Variants in RBFOX2 observed in about 807,000 individuals in gnomAD.
RBFOX2 encodes the protein RNA binding fox-1 homolog 2.
In RBFOX2, 10 loss-of-function variants were observed where a neutral mutation model predicts 49.1. That is an observed-to-expected ratio of 0.20 (90% CI 0.13 to 0.35). The LOEUF (loss-of-function observed/expected upper bound fraction) is 0.35. RBFOX2 is among the 10% of genes least tolerant of loss of function. The pLI is 1.00. For synonymous variants in RBFOX2, 183 were observed against 187.4 expected (o/e 0.98, Z 0.19); for missense variants, 323 against 486.9 (o/e 0.66, Z 3.17).
intron 1 of RBFOX2, chr22:35,997,987 G>C (rs1452613832): frequency 1.3e-5 from 2 of 152,124 alleles, no homozygotes; most frequent in Non-Finnish European, 2.9e-5. Context: ...GGGTGACAGA[G>C]TGCGACCCTG....
intron 1 of RBFOX2, among the ~76,000 whole-genome samples, chr22:35,820,911 T>A (rs1015459397): frequency 6.6e-6 from 1 of 152,054 alleles, no homozygotes; most frequent in African/African-American, 2.4e-5. Flanking sequence ...CTACATACAA[T>A]AGCCACAGCG....
At chr22:35,965,570 T>C (rs545671367), upstream of RBFOX2, among the ~76,000 whole-genome samples, 9 of 152,310 alleles carry the variant, frequency 5.9e-5, no homozygotes, top group African/African-American at 1.9e-4. Context: ...TGCTGCCTTA[T>C]TAGGTAGAAT....
At chr22:35,928,293 C>A (rs1427840660) in intron 1 of RBFOX2, among the ~76,000 whole-genome samples, 2 of 152,006 alleles carry the variant, frequency 1.3e-5, no homozygotes, top group East Asian at 3.9e-4. Context: ...AGAGAAATTG[C>A]CACAAAACAG....
chr22:36,018,677 G>C (rs941228391), intron 1 of RBFOX2, among the ~76,000 whole-genome samples: 1 of 152,156 alleles, frequency 6.6e-6, no homozygotes, highest in African/African-American at 2.4e-5. Flanking sequence ...GCAGTGGCTC[G>C]ATCTCTCCTC....
At chr22:35,811,178 C>A (rs1194533525) in intron 1 of RBFOX2, among the ~76,000 whole-genome samples, 1 of 152,000 alleles carries the variant, frequency 6.6e-6, no homozygotes, top group Non-Finnish European at 1.5e-5. Context: ...GGGGGGCTGC[C>A]ACAGTCTAGA....
intron 2 of RBFOX2, among the ~76,000 whole-genome samples, chr22:35,784,812 C>T (rs1451130315): frequency 1.3e-5 from 2 of 152,028 alleles, no homozygotes; most frequent in Non-Finnish European, 2.9e-5. Flanking sequence ...TGAGAGGGCC[C>T]GGGGGCCGCG....
chr22:35,888,254 A>AT (rs889019415), intron 1 of RBFOX2, among the ~76,000 whole-genome samples: 12 of 152,076 alleles, frequency 7.9e-5, no homozygotes, highest in East Asian at 1.9e-4. Flanking sequence ...TTTACTCCCC[A>AT]TTTTTTTGAG....
intron 1 of RBFOX2, among the ~76,000 whole-genome samples, chr22:35,908,016 A>T (rs1419383786): frequency 6.6e-6 from 1 of 152,166 alleles, no homozygotes. Context: ...TTGATGACCA[A>T]AACAGAGACT....
rs556669182 is a variant in RBFOX2, at chr22:35,994,345, G to A, written c.186+33895C>T. The A allele has an allele frequency of 5.9e-5, 9 of 151,770 alleles. No homozygotes were observed. The South Asian group carries it at 8.3e-4, about 14-fold the overall frequency. 9.4% of individuals were successfully genotyped at this position (151,770 alleles called of 1,614,324 possible). ...TTGTACTAATTCTTCTAAATCTAGT[G>A]TATAGTATTTTACATTGAGTGCATC... On this transcript the variant is annotated intron_variant, in intron 1 of 13. Coordinates refer to the RBFOX2 transcript ENST00000438146.
Position 35,759,837 on chromosome 22 carries a change from G to A in RBFOX2, c.887+51C>T, listed in dbSNP as rs568340695. On this transcript the variant is annotated intron_variant, in intron 9 of 11. Coordinates refer to ENST00000405409, the Ensembl canonical transcript of RBFOX2. This position sits in a 1 kb window ranked among gnomAD's most constrained non-coding sequence, Gnocchi z 4.6. ...TGAAAGGGCCATGGTATTCTTTTTT[G>A]GTCCAACTGCTTATTTTAGAAACAT... 40 of 1,597,062 alleles carry A rather than the reference G, an allele frequency of 2.5e-5. No homozygotes were observed. The East Asian group carries it at 5.4e-4, about 22-fold the overall frequency.
intron 2 of RBFOX2, among the ~76,000 whole-genome samples, chr22:35,798,928 T>C (rs185012169): frequency 3.3e-5 from 5 of 152,340 alleles, no homozygotes; most frequent in Admixed American, 2.0e-4. Flanking sequence ...CGGAAGAATG[T>C]TGGAGAAATG....
rs553434447 is a variant in RBFOX2, at chr22:35,786,637, A to C, written c.253-4891T>G. On this transcript the variant is annotated intron_variant, in intron 2 of 11. Transcript: ENST00000405409. ...TGCTGGGATTACAGGCGTGAGCCAC[A>C]GCGCCTGGCCTGGAGTGCATGTTCT... is the stretch of plus-strand genomic sequence containing the variant. Among the ~76,000 whole-genome samples, 18 of 152,178 alleles carry C rather than the reference A, an allele frequency of 1.2e-4. No homozygotes were observed. The South Asian group carries it at 2.5e-3, about 21-fold the overall frequency.
At chr22:35,752,509 C>T (rs1175587817) in intron 9 of RBFOX2, 4 of 641,780 alleles carry the variant, frequency 6.2e-6, no homozygotes, top group Non-Finnish European at 7.7e-6. Context: ...CCAAAAAAGC[C>T]TCTGTTCCCA....
chr22:35,909,077 C>T (rs1030479123), intron 1 of RBFOX2, among the ~76,000 whole-genome samples: 12 of 152,112 alleles, frequency 7.9e-5, no homozygotes, highest in African/African-American at 2.4e-4. Context: ...CTCCTGACCT[C>T]GTGATCTGCC....
At chr22:35,850,390 C>G (rs961883487) in intron 1 of RBFOX2, among the ~76,000 whole-genome samples, 5 of 152,158 alleles carry the variant, frequency 3.3e-5, no homozygotes, top group African/African-American at 9.7e-5. Context: ...TAACACCTCC[C>G]TCGCTGTGCT....
intron 1 of RBFOX2, among the ~76,000 whole-genome samples, chr22:36,002,835 A>T (rs906015103): frequency 6.6e-6 from 1 of 152,256 alleles, no homozygotes; most frequent in African/African-American, 2.4e-5. Flanking sequence ...CATGTGGGCC[A>T]GGCTGGTCTC....
intron 1 of RBFOX2, among the ~76,000 whole-genome samples, chr22:35,911,657 C>T (rs886623262): frequency 2.6e-5 from 4 of 152,152 alleles, no homozygotes; most frequent in African/African-American, 9.7e-5. Flanking sequence ...CTGCTGGTAT[C>T]GTTACACTCC....
chr22:35,898,247 C>T, intron 1 of RBFOX2: 1 of 755,888 alleles, frequency 1.3e-6, no homozygotes, highest in Middle Eastern at 2.4e-4. Context: ...GCCACAATCC[C>T]ACTGACTTGA....
rs186117217 is a variant in RBFOX2 at position 35,753,916 on chromosome 22, G to A, written c.887+5972C>T. 1.3e-4 allele frequency among the ~76,000 whole-genome samples: 20 copies of A among 151,254 alleles called. No homozygotes were observed. In the East Asian group the frequency reaches 3.7e-3, roughly 28 times the overall value. On this transcript the variant is annotated intron_variant, in intron 9 of 11. Transcript: ENST00000405409. The stretch of plus-strand genomic sequence containing the variant: ...TCCTGCCTTGGCCTCCCAAGTAGCT[G>A]AAACTACAAGCGTGTGCCACCACGC...
Sources: allele counts gnomAD v4.1 joint callset (sites outside exome capture counted in the v4.1 genomes callset), GRCh38; gene constraint gnomAD v4.1.1; non-coding constraint Gnocchi (gnomAD v3.1); transcripts MANE v1.5; gene names NCBI Gene and HGNC (gene_info 2026-07-23, HGNC 2026-07-21).